The following GAB1 variants were observed in gnomAD, a reference collection of about 807,000 sequenced individuals.
GAB1 encodes GRB2 associated binding protein 1, also known as GRB2-associated-binding protein 1.
GAB1 carries 19 observed loss-of-function variants against 66.5 expected under a neutral mutation model. That is an observed-to-expected ratio of 0.29 (90% CI 0.20 to 0.42). The LOEUF (loss-of-function observed/expected upper bound fraction) is 0.42, where lower values mean the gene tolerates loss of function less well. GAB1 is among the 10% of genes least tolerant of loss of function. The pLI, the probability that GAB1 is intolerant of heterozygous loss-of-function variation, is 1.00. For synonymous variants in GAB1, 294 were observed against 301.4 expected, an observed-to-expected ratio of 0.98 and a Z score of 0.25; for missense variants, 732 against 858.5, an observed-to-expected ratio of 0.85 and a Z score of 1.84.
intron 6 of GAB1, 34 bp downstream of exon 6, chr4:143,440,416 G>T: frequency 1.3e-6 from 2 of 1,545,272 alleles, no homozygotes; most frequent in Non-Finnish European, 1.7e-6. Context: ...AAGGCTTGGG[G>T]AGTGCCAAGT....
rs149659381 is a variant in GAB1, at chr4:143,450,315, G to C, written c.1586-9070G>C. 2.6e-5 allele frequency among the ~76,000 whole-genome samples: 4 copies of C among 152,104 alleles called. No individual in the cohort carries two copies. In the East Asian group the frequency reaches 7.7e-4, roughly 29 times the overall value. ...TTACTTTTACTCTTTCTTGATTTTG[G>C]GGATGCCTACTGGAAGTAGTAGCAT... is the stretch of plus-strand genomic sequence containing the variant. On this transcript the variant is annotated intron_variant, in intron 6 of 9. Coordinates refer to ENST00000262994, the MANE Select transcript of GAB1 (RefSeq NM_002039.4).
chr4:143,338,712 G>GGTGTGTGTGT (rs56381817), intron 1 of GAB1, among the ~76,000 whole-genome samples: 56,239 of 149,106 alleles, frequency 0.38, 12,823 homozygotes, highest in East Asian at 0.71. Context: ...GAAAGGTAGG[G>GGTGTGTGTGT]GTGTGTGTGT....
chr4:143,366,820 T>A (rs998741062), intron 1 of GAB1, among the ~76,000 whole-genome samples: 4 of 152,066 alleles, frequency 2.6e-5, no homozygotes, highest in Admixed American at 2.6e-4. Flanking sequence ...TGATTTTCAA[T>A]TCAATTTTTG....
At chr4:143,350,185 A>G (rs1471319033) in intron 1 of GAB1, 5 of 651,118 alleles carry the variant, frequency 7.7e-6, no homozygotes, top group African/African-American at 5.5e-5. Flanking sequence ...GTGTGCTCCT[A>G]AATGTATCAT....
intron 1 of GAB1, among the ~76,000 whole-genome samples, chr4:143,389,179 A>T (rs774289307): frequency 2.6e-5 from 4 of 152,232 alleles, no homozygotes; most frequent in African/African-American, 9.6e-5. Context: ...TATAGGAATG[A>T]TTTAGCTTAT....
chr4:143,355,547 A>G (rs1311520668), intron 1 of GAB1, among the ~76,000 whole-genome samples: 1 of 152,156 alleles, frequency 6.6e-6, no homozygotes, highest in Admixed American at 6.5e-5. Context: ...CTCCTGCTTC[A>G]CCGTTCAATC....
intron 1 of GAB1, among the ~76,000 whole-genome samples, chr4:143,340,553 C>A (rs1452433122): frequency 2.0e-5 from 3 of 152,078 alleles, no homozygotes; most frequent in Admixed American, 6.6e-5. Flanking sequence ...CTCTGTCACC[C>A]AGACTGGAGT....
chr4:143,381,598 C>T (rs1233510319), intron 1 of GAB1, among the ~76,000 whole-genome samples: 1 of 152,088 alleles, frequency 6.6e-6, no homozygotes, highest in Non-Finnish European at 1.5e-5. Context: ...AGATCAAGTA[C>T]CTTAATTGAT....
chr4:143,434,026 A>G, intron 3 of GAB1: 1 of 933,946 alleles, frequency 1.1e-6, no homozygotes. Context: ...TTACTTGCTT[A>G]ACAGATTTCA....
intron 1 of GAB1, among the ~76,000 whole-genome samples, chr4:143,350,422 T>C (rs1001297412): frequency 7.2e-5 from 11 of 152,120 alleles, no homozygotes; most frequent in Admixed American, 3.3e-4. Context: ...CTCACCCCTG[T>C]AATCCCAGCA....
intron 1 of GAB1, among the ~76,000 whole-genome samples, chr4:143,410,006 C>T (rs1732282556): frequency 6.6e-6 from 1 of 151,848 alleles, no homozygotes; most frequent in Non-Finnish European, 1.5e-5. Flanking sequence ...TTCACCCCAC[C>T]CCCATACACT....
At chr4:143,417,209 G>A (rs1732739196) in intron 2 of GAB1, among the ~76,000 whole-genome samples, 1 of 152,122 alleles carries the variant, frequency 6.6e-6, no homozygotes, top group African/African-American at 2.4e-5. Context: ...ACTTAGGAAA[G>A]AACAGACCCA....
At chr4:143,389,275 C>G (rs145584610) in intron 1 of GAB1, among the ~76,000 whole-genome samples, 1 of 152,264 alleles carries the variant, frequency 6.6e-6, no homozygotes, top group Non-Finnish European at 1.5e-5. Context: ...CAAATACTTG[C>G]GTATGCTGGA....
intron 1 of GAB1, among the ~76,000 whole-genome samples, chr4:143,397,867 G>A (rs1331075749): frequency 6.6e-6 from 1 of 152,202 alleles, no homozygotes; most frequent in Non-Finnish European, 1.5e-5. Context: ...CAGAGACAGG[G>A]AAAAGGACTT....
chr4:143,362,961 A>G (rs988607128), intron 1 of GAB1, among the ~76,000 whole-genome samples: 28 of 152,184 alleles, frequency 1.8e-4, no homozygotes, highest in African/African-American at 6.8e-4. Flanking sequence ...TGTGTGCTTG[A>G]TAGTTCTTTG....
intron 6 of GAB1, among the ~76,000 whole-genome samples, chr4:143,452,284 A>G (rs1734968066): frequency 6.6e-6 from 1 of 152,086 alleles, no homozygotes; most frequent in African/African-American, 2.4e-5. Context: ...ACGATTCCTT[A>G]TAATTAAAAT....
intron 1 of GAB1, among the ~76,000 whole-genome samples, chr4:143,410,590 A>G (rs148625066): frequency 6.6e-6 from 1 of 152,308 alleles, no homozygotes; most frequent in African/African-American, 2.4e-5. Flanking sequence ...AGGTGAGCAT[A>G]TCCAATTTGC....
At chr4:143,426,418 G>A (rs1246290280) in intron 2 of GAB1, among the ~76,000 whole-genome samples, 1 of 152,124 alleles carries the variant, frequency 6.6e-6, no homozygotes, top group African/African-American at 2.4e-5. Context: ...AGATGTGGTA[G>A]TGTGTGCCTG....
intron 6 of GAB1, among the ~76,000 whole-genome samples, chr4:143,450,258 T>G (rs1578737116): frequency 6.6e-6 from 1 of 152,176 alleles, no homozygotes; most frequent in Non-Finnish European, 1.5e-5. Context: ...CTGCCTTCAT[T>G]ACTTTCTGGA....
Sources: allele counts gnomAD v4.1 joint callset (sites outside exome capture counted in the v4.1 genomes callset), GRCh38; gene constraint gnomAD v4.1.1; transcripts MANE v1.5; gene names NCBI Gene and HGNC (gene_info 2026-07-23, HGNC 2026-07-21).